SUN1: variants seen among roughly 807,000 people sequenced by gnomAD.
SUN1 encodes Sad1 and UNC84 domain containing 1.
In SUN1, 61 loss-of-function variants were observed where a neutral mutation model predicts 103.2. That is an observed-to-expected ratio of 0.59 (90% CI 0.48 to 0.73). SUN1 has a LOEUF of 0.73. Ranked by LOEUF, SUN1 falls within the 30% of genes least tolerant of loss-of-function variation. The pLI, the probability that SUN1 is intolerant of heterozygous loss-of-function variation, is 0.00. For synonymous variants in SUN1, 490 were observed against 425.7 expected (o/e 1.15, Z -1.86); for missense variants, 1,052 against 1,034.6 (o/e 1.02, Z -0.23).
chr7:821,931 C>G (rs1401979719), intron 1 of SUN1, among the ~76,000 whole-genome samples: 1 of 152,154 alleles, frequency 6.6e-6, no homozygotes, highest in Non-Finnish European at 1.5e-5. Context: ...GGTGGTTGTG[C>G]TTGTGTTGCC....
chr7:871,063 G>T (rs1402559775), intron 17 of SUN1, among the ~76,000 whole-genome samples: 1 of 151,252 alleles, frequency 6.6e-6, no homozygotes, highest in South Asian at 2.1e-4. Flanking sequence ...GCTAATTTTT[G>T]TGTTTTTAGT....
chr7:866,120 G>T, intron 16 of SUN1, 53 bp downstream of exon 16: 2 of 1,490,580 alleles, frequency 1.3e-6, no homozygotes, highest in Non-Finnish European at 1.9e-6. Flanking sequence ...GACTCGGTTA[G>T]TGTTCACGGG....
chr7:822,316 G>A (rs1046159799), intron 1 of SUN1, among the ~76,000 whole-genome samples: 1 of 152,138 alleles, frequency 6.6e-6, no homozygotes, highest in Non-Finnish European at 1.5e-5. Flanking sequence ...TCATTTAGTC[G>A]CTTAGGGGCA....
rs764744484 is a variant in SUN1 at position 842,123 on chromosome 7, C to T, written c.444C>T (p.His148=). Residue 148 remains histidine, a synonymous_variant, in exon 3 of 19, where the codon CAC becomes CAT. Coordinates refer to ENST00000401592, the MANE Select transcript of SUN1 (RefSeq NM_001130965.3). The part of the protein sequence containing the change: ...SWIREQTTVD[H]FWGLDDDGDL... ...TTCGTGAACAGACCACAGTGGACCACTTCTGGGGTGAGTCCCTGCGAGACA... is the reference window on the plus strand; with the variant it reads ...TTCGTGAACAGACCACAGTGGACCATTTCTGGGGTGAGTCCCTGCGAGACA... 21 of 1,611,602 alleles carry T rather than the reference C, an allele frequency of 1.3e-5. No homozygotes were observed. Among genetic ancestry groups the T allele is most frequent in the Non-Finnish European group, 1.7e-5 (20 of 1,177,780 alleles).
At chr7:829,265 G>GGAA (rs1795683615), upstream of SUN1, among the ~76,000 whole-genome samples, 3 of 152,320 alleles carry the variant, frequency 2.0e-5, no homozygotes, top group Admixed American at 6.5e-5. Flanking sequence ...TCTTCACATG[G>GGAA]GAAGGCTCTA....
chr7:827,932 CAG>C (rs1185709324), upstream of SUN1, among the ~76,000 whole-genome samples: 5 of 152,134 alleles, frequency 3.3e-5, no homozygotes, highest in East Asian at 5.8e-4. Context: ...TTTTTTGAGA[CAG>C]AGTCTCACTC....
At chr7:831,112 A>G (rs1797517848), upstream of SUN1, 1 of 614,916 alleles carries the variant, frequency 1.6e-6, no homozygotes, top group Non-Finnish European at 2.0e-6. Flanking sequence ...GGTATTAACT[A>G]TTACGTGGAT....
intron 1 of SUN1, among the ~76,000 whole-genome samples, chr7:818,920 A>G (rs891827327): frequency 6.6e-5 from 10 of 151,068 alleles, no homozygotes; most frequent in South Asian, 2.1e-4. Context: ...CTGGAGTGCA[A>G]TGACAGGAAC....
chr7:874,930 T>G lies in SUN1; in HGVS notation c.*1599T>G, dbSNP rs185193667. The stretch of plus-strand genomic sequence containing the variant: ...TGGGATATAAACAGTCTATTTCTTT[T>G]CTCAGTTTGTCTGTTTCTGCCCCTG... On this transcript the variant is annotated 3_prime_UTR_variant, in exon 19 of 19. Coordinates refer to ENST00000401592, the MANE Select transcript of SUN1 (RefSeq NM_001130965.3). The G allele has an allele frequency of 2.0e-5, 3 of 149,758 alleles. No homozygotes were observed. The highest frequency in any genetic ancestry group is 4.4e-5 in the Non-Finnish European group (3 of 67,662). The allele number at this position is 149,758 out of a possible 1,614,324, so 9.3% of individuals were successfully genotyped here. A position where few individuals can be genotyped will look rare whatever the true frequency, so the allele number is the denominator to read the frequency against.
At chr7:832,043 T>G, upstream of SUN1, 2 of 988,310 alleles carry the variant, frequency 2.0e-6, no homozygotes, top group Non-Finnish European at 2.4e-6. Context: ...TCTGAGATGC[T>G]TGTGAGAGCT....
At chr7:844,942 C>G (rs1159393824) in intron 5 of SUN1, among the ~76,000 whole-genome samples, 12 of 152,196 alleles carry the variant, frequency 7.9e-5, no homozygotes, top group African/African-American at 2.4e-4. Context: ...CGTGGCGTAG[C>G]TTAATCGACG....
chr7:817,177 C>G (rs1781413755), intron 1 of SUN1: 1 of 527,056 alleles, frequency 1.9e-6, no homozygotes, highest in African/African-American at 1.9e-5. Flanking sequence ...CCAGGCTGGT[C>G]TCGACCTCCT....
chr7:853,438 G>T lies in SUN1; in HGVS notation c.1083G>T (p.Trp361Cys). The change falls in exon 10 of 19, where the codon TGG (tryptophan) becomes TGT (cysteine). Residue 361 changes from tryptophan to cysteine, a missense_variant. Trp to Cys is a radical substitution (Grantham distance 215). Around this residue, in one of 2 missense-constraint regions of SUN1, gnomAD observed 846 missense variants for 774.5 expected, o/e 1.09. Coordinates refer to ENST00000401592, the MANE Select transcript of SUN1 (RefSeq NM_001130965.3). ...QGDSEAFPWH[W>C]MSGVEQQVAS... ...ACAGTGAGGCTTTTCCGTGGCATTGGATGAGTGGCGTGGAGCAGCAGGTGG... is the reference window on the plus strand; with the variant it reads ...ACAGTGAGGCTTTTCCGTGGCATTGTATGAGTGGCGTGGAGCAGCAGGTGG... 5.6e-6 allele frequency: 9 copies of T among 1,613,964 alleles called. No homozygotes were observed. Among genetic ancestry groups the T allele is most frequent in the Non-Finnish European group, 7.6e-6 (9 of 1,180,044 alleles).
chr7:832,040 T>TG, upstream of SUN1: 2 of 987,862 alleles, frequency 2.0e-6, no homozygotes, highest in African/African-American at 3.5e-5. Flanking sequence ...GATTCTGAGA[T>TG]GCTTGTGAGA....
At chr7:831,191 T>C (rs1797602283), upstream of SUN1, among the ~76,000 whole-genome samples, 2 of 151,972 alleles carry the variant, frequency 1.3e-5, no homozygotes. Flanking sequence ...GCCGAGCAAG[T>C]GTGAACTGGA....
intron 5 of SUN1, among the ~76,000 whole-genome samples, chr7:847,027 A>T (rs1320690456): frequency 2.0e-5 from 3 of 152,228 alleles, no homozygotes; most frequent in Non-Finnish European, 4.4e-5. Flanking sequence ...AAATAAAAAT[A>T]ATAAATAGCA....
intron 14 of SUN1, 34 bp from the exon 15 acceptor site, chr7:861,346 G>A (rs747261567): frequency 6.2e-7 from 1 of 1,611,660 alleles, no homozygotes; most frequent in East Asian, 2.2e-5. Flanking sequence ...CTCCTGTTCT[G>A]GTGTTTGGTC....
upstream of SUN1, among the ~76,000 whole-genome samples, chr7:829,261 C>T (rs1035701366): frequency 6.6e-6 from 1 of 152,206 alleles, no homozygotes; most frequent in Non-Finnish European, 1.5e-5. Flanking sequence ...CTCCTCTTCA[C>T]ATGGGAAGGC....
chr7:855,485 G>A (rs148371699), intron 11 of SUN1, among the ~76,000 whole-genome samples: 238 of 152,384 alleles, frequency 1.6e-3, no homozygotes, highest in African/African-American at 5.3e-3. Context: ...ATGGGGAGTC[G>A]GGTCGGGCTC....
Sources: allele counts gnomAD v4.1 joint callset (sites outside exome capture counted in the v4.1 genomes callset), GRCh38; gene constraint gnomAD v4.1.1; regional missense constraint gnomAD v4.1.1; transcripts MANE v1.5; gene names NCBI Gene and HGNC (gene_info 2026-07-23, HGNC 2026-07-21).